The following CDH7 variants were observed in gnomAD, a reference collection of about 807,000 sequenced individuals.
The protein encoded by CDH7 is cadherin 7.
CDH7 carries 25 observed loss-of-function variants against 71.8 expected under a neutral mutation model. That is an observed-to-expected ratio of 0.35 (90% CI 0.25 to 0.49). CDH7 has a LOEUF of 0.49. Among genes scored for constraint, CDH7 ranks in the 20% least tolerant of loss-of-function variants. The pLI is 0.99. For missense variants in CDH7, 862 were observed against 974.6 expected, an observed-to-expected ratio of 0.88 and a Z score of 1.54; for synonymous variants, 381 against 363.8, an observed-to-expected ratio of 1.05 and a Z score of -0.54.
At position 65,873,593 on chromosome 18, in the gene CDH7, T is replaced by G. The variant is rs78409295; in HGVS notation, c.1865-6808T>G. 6.2e-3 allele frequency among the ~76,000 whole-genome samples: 950 copies of G among 152,326 alleles called. 4 individuals are homozygous for G. Among genetic ancestry groups the G allele is most frequent in the South Asian group, 0.023 (110 of 4,828 alleles). ...TTAAGTCTTGAACATCATATGTTTA[T>G]TTTACACTTAGAGCATATCTCAATG... On this transcript the variant is annotated intron_variant, in intron 11 of 11. Coordinates refer to ENST00000397968, the MANE Select transcript of CDH7 (RefSeq NM_004361.5).
chr18:65,848,701 CATG>C (rs1913022626), intron 7 of CDH7, among the ~76,000 whole-genome samples: 1 of 151,954 alleles, frequency 6.6e-6, no homozygotes, highest in Admixed American at 6.6e-5. Context: ...TGAAATAGAA[CATG>C]ATATTATTAC....
chr18:65,784,109 A>G (rs1166015422), intron 2 of CDH7, among the ~76,000 whole-genome samples: 2 of 105,116 alleles, frequency 1.9e-5, no homozygotes, highest in Non-Finnish European at 3.9e-5. Flanking sequence ...TACCACCCAC[A>G]GCTATTTTTT....
chr18:65,817,329 A>G (rs1485579268), intron 4 of CDH7, among the ~76,000 whole-genome samples: 2 of 152,116 alleles, frequency 1.3e-5, no homozygotes, highest in Non-Finnish European at 2.9e-5. Context: ...TTCTCATTCT[A>G]TGCAAGAGTG....
intron 6 of CDH7, among the ~76,000 whole-genome samples, chr18:65,830,923 AG>A (rs1356270803): frequency 1.3e-5 from 2 of 151,816 alleles, no homozygotes; most frequent in Admixed American, 1.3e-4. Flanking sequence ...CCCCACACCT[AG>A]CTCATAGCCT....
chr18:65,750,670 C>G (rs1915837782), upstream of CDH7: 1 of 152,134 alleles, frequency 6.6e-6, no homozygotes, highest in African/African-American at 2.4e-5. Context: ...GCGCCGAAGT[C>G]TCAGTGGCTC....
chr18:65,822,395 T>TA, intron 5 of CDH7, 147 bp downstream of exon 5: 2 of 618,612 alleles, frequency 3.2e-6, no homozygotes, highest in South Asian at 4.6e-5. Context: ...ATTAGAGACA[T>TA]AATTTTGATT....
intron 6 of CDH7, among the ~76,000 whole-genome samples, chr18:65,827,190 C>T (rs1912162620): frequency 1.3e-5 from 2 of 151,590 alleles, no homozygotes; most frequent in South Asian, 4.1e-4. Flanking sequence ...AGATTGTTAG[C>T]AACTAAAATT....
chr18:65,809,627 T>C, intron 2 of CDH7, 77 bp from the exon 3 acceptor site: 1 of 1,232,114 alleles, frequency 8.1e-7, no homozygotes. Flanking sequence ...CTGCCTGACA[T>C]AAGAATTATT....
intron 11 of CDH7, chr18:65,866,501 G>A (rs956939869): frequency 3.9e-5 from 6 of 151,962 alleles, no homozygotes; most frequent in African/African-American, 1.5e-4. Context: ...GAAGTTTAAT[G>A]CTGGAAGGCA....
intron 2 of CDH7, among the ~76,000 whole-genome samples, chr18:65,801,988 A>G (rs984853107): frequency 6.6e-5 from 10 of 152,222 alleles, no homozygotes; most frequent in African/African-American, 2.4e-4. Flanking sequence ...AATGCCAGGT[A>G]CAAAACATTT....
At chr18:65,815,820 A>G (rs1464302672) in intron 4 of CDH7, among the ~76,000 whole-genome samples, 2 of 152,114 alleles carry the variant, frequency 1.3e-5, no homozygotes, top group Non-Finnish European at 1.5e-5. Flanking sequence ...TGAATGATAG[A>G]TCTGAGAAAC....
At chr18:65,843,783 T>C in intron 6 of CDH7, 29 bp from the exon 7 acceptor site, 1 of 1,471,226 alleles carries the variant, frequency 6.8e-7, no homozygotes, top group Middle Eastern at 2.1e-4. Context: ...TAACCGGTAA[T>C]TTAATTTTCC....
In CDH7 at chr18:65,809,901, G is replaced by T; in HGVS notation, c.408G>T (p.Glu136Asp). 6.2e-7 allele frequency: 1 copy of T among 1,614,004 alleles called. No individual in the cohort carries two copies. The highest frequency in any genetic ancestry group is 8.5e-7 in the Non-Finnish European group (1 of 1,180,000). The stretch of plus-strand genomic sequence containing the variant: ...TCACCAACAAACCCGTGGAGCCCGA[G>T]TCGGAGTTTGTCATCAAAATTCAGG... ...DRLTNKPVEPESEFVIKIQDI... is the reference protein window; with the variant it reads ...DRLTNKPVEPDSEFVIKIQDI... Residue 136 changes from glutamate (E) to aspartate (D), a missense_variant, in exon 3 of 12, where the codon GAG (glutamate) becomes GAT (aspartate). By Grantham distance (45) the Glu-to-Asp change is conservative. Coordinates refer to ENST00000397968, the MANE Select transcript of CDH7 (RefSeq NM_004361.5).
chr18:65,805,911 AT>A (rs937905699), intron 2 of CDH7, among the ~76,000 whole-genome samples: 7 of 91,590 alleles, frequency 7.6e-5, no homozygotes, highest in Non-Finnish European at 1.6e-4. Context: ...AGTTATTAAA[AT>A]TAAAAAAAAA....
chr18:65,828,355 G>A (rs56260709), intron 6 of CDH7, among the ~76,000 whole-genome samples: 1 of 151,832 alleles, frequency 6.6e-6, no homozygotes, highest in Non-Finnish European at 1.5e-5. Flanking sequence ...TTACACAGTT[G>A]ATCCTTAAAA....
rs1914438136 is a variant in CDH7 at position 65,888,795 on chromosome 18, GA to G, written c.*7904del. The G allele has an allele frequency of 1.3e-5, 2 of 151,134 alleles. No individual in the cohort carries two copies. Among genetic ancestry groups the G allele is most frequent in the Non-Finnish European group, 3.0e-5 (2 of 67,734 alleles). 9.4% of individuals were successfully genotyped at this position (151,134 alleles called of 1,614,324 possible). On this transcript the variant is annotated 3_prime_UTR_variant, in exon 12 of 12. Transcript: ENST00000397968. ...CACACACGAAGTAAATGGTAGAAAT[GA>G]AAGAAGAAGAAGAAGAAAAAAACAT...
At chr18:65,856,401 A>T (rs1228635859) in intron 7 of CDH7, among the ~76,000 whole-genome samples, 1 of 152,166 alleles carries the variant, frequency 6.6e-6, no homozygotes, top group East Asian at 1.9e-4. Flanking sequence ...ATAAAGGCAA[A>T]TTGATTTTAA....
chr18:65,804,076 G>A (rs969686946), intron 2 of CDH7, among the ~76,000 whole-genome samples: 8 of 152,062 alleles, frequency 5.3e-5, no homozygotes, highest in Admixed American at 1.3e-4. Flanking sequence ...TTCTAGTTTC[G>A]TTTATTAGTG....
chr18:65,854,068 G>T (rs1326860437), intron 7 of CDH7, among the ~76,000 whole-genome samples: 2 of 150,868 alleles, frequency 1.3e-5, no homozygotes, highest in African/African-American at 4.9e-5. Flanking sequence ...ACTTTGAGAG[G>T]CTGAGGCAGG....
Sources: allele counts gnomAD v4.1 joint callset (sites outside exome capture counted in the v4.1 genomes callset), GRCh38; gene constraint gnomAD v4.1.1; transcripts MANE v1.5; gene names NCBI Gene and HGNC (gene_info 2026-07-23, HGNC 2026-07-21).